GSK3A: variants seen among roughly 807,000 people sequenced by gnomAD.
GSK3A encodes glycogen synthase kinase 3 alpha, also known as glycogen synthase kinase-3 alpha.
Under a neutral mutation model 56.6 loss-of-function variants are expected in GSK3A, and 14 were observed. The observed-to-expected ratio is 0.25, with a 90% CI of 0.16 to 0.39. GSK3A has a LOEUF of 0.39. Ranked by LOEUF, GSK3A falls within the 10% of genes least tolerant of loss-of-function variation. The pLI, the probability that GSK3A is intolerant of heterozygous loss-of-function variation, is 1.00. For synonymous variants in GSK3A, 301 were observed against 285.0 expected, an observed-to-expected ratio of 1.06 and a Z score of -0.56; for missense variants, 450 against 656.0, an observed-to-expected ratio of 0.69 and a Z score of 3.43.
chr19:42,236,546 G>A, intron 4 of GSK3A, 60 bp downstream of exon 4: 1 of 998,268 alleles, frequency 1.0e-6, no homozygotes, highest in Non-Finnish European at 1.6e-6. Flanking sequence ...TAAAAGGCAG[G>A]AGGCTCCAGA....
chr19:42,240,012 C>T lies in GSK3A; in HGVS notation c.414G>A (p.Leu138=). The T allele has an allele frequency of 1.2e-6, 2 of 1,614,184 alleles. No individual in the cohort carries two copies. Among genetic ancestry groups the T allele is most frequent in the South Asian group, 1.1e-5 (1 of 91,088 alleles). ...TGGCGACTAGTTCCCTGGTCTCTGC[C>T]AGCCGTGCCTGGTACACGACCCCAA... ...GSFGVVYQAR[L]AETRELVAIK... Residue 138 remains leucine, a synonymous_variant, in exon 2 of 11, where the codon CTG becomes CTA. Coordinates refer to ENST00000222330, the MANE Select transcript of GSK3A (RefSeq NM_019884.3).
chr19:42,235,081 C>T (rs1054000615), intron 4 of GSK3A, among the ~76,000 whole-genome samples: 7 of 151,972 alleles, frequency 4.6e-5, no homozygotes, highest in African/African-American at 9.7e-5. Context: ...GAGCCGAGAT[C>T]GCACCACTGC....
intron 4 of GSK3A, 115 bp downstream of exon 4, chr19:42,236,491 G>T: frequency 1.3e-6 from 1 of 744,876 alleles, no homozygotes; most frequent in South Asian, 1.4e-5. Context: ...CAGGGGACAT[G>T]GGGCCTCCAA....
Position 42,240,088 on chromosome 19 carries a change from C to G in GSK3A, c.338G>C (p.Arg113Pro). 1.2e-6 allele frequency: 2 copies of G among 1,614,186 alleles called. No homozygotes were observed. The highest frequency in any genetic ancestry group is 2.2e-5 in the South Asian group (2 of 91,082). ...VVATLGQGPE[R>P]SQEVAYTDIK... Reference sequence around the variant, plus strand: ...GTCCGTGTAAGCCACTTCTTGGGAGCGCTCTGGGCCTTGGCCTAGAGTGGC... The same window carrying G: ...GTCCGTGTAAGCCACTTCTTGGGAGGGCTCTGGGCCTTGGCCTAGAGTGGC... Residue 113 changes from arginine (R) to proline (P), a missense_variant, in exon 2 of 11, where the codon CGC becomes CCC. Arg to Pro is a moderately radical substitution (Grantham distance 103). Coordinates refer to ENST00000222330, the MANE Select transcript of GSK3A (RefSeq NM_019884.3).
In GSK3A at chr19:42,230,580, C is replaced by G. The variant is rs1478488724; in HGVS notation, c.*214G>C. On this transcript the variant is annotated 3_prime_UTR_variant, in exon 11 of 11. Transcript: ENST00000222330. ...CATCCCCCCAACACCCTGTCCTTCT[C>G]TTCCCTCCCCACAACCAGTTAAAAT... 3.4e-6 allele frequency: 2 copies of G among 585,764 alleles called. No individual in the cohort carries two copies. Among genetic ancestry groups the G allele is most frequent in the Non-Finnish European group, 6.1e-6 (2 of 326,442 alleles). 36.3% of individuals were successfully genotyped at this position (585,764 alleles called of 1,614,324 possible).
chr19:42,237,354 TCAC>T (rs917905211), intron 2 of GSK3A, among the ~76,000 whole-genome samples: 1 of 151,488 alleles, frequency 6.6e-6, no homozygotes, highest in Non-Finnish European at 1.5e-5. Context: ...AGATGGGGTT[TCAC>T]CACGTTAGCC....
rs201441403 is a variant in GSK3A at position 42,236,848 on chromosome 19, G to A, written c.555+10C>T. ...TGGAGCAACCCACCACCACCACCTC[G>A]AGATCTCACCTTCTCGCCACTGGAG... On this transcript the variant is annotated intron_variant, in intron 3 of 10. Coordinates refer to ENST00000222330, the MANE Select transcript of GSK3A (RefSeq NM_019884.3). 43 of 1,600,682 alleles carry A rather than the reference G, an allele frequency of 2.7e-5. No individual in the cohort carries two copies. Among genetic ancestry groups the A allele is most frequent in the African/African-American group, 5.4e-5 (4 of 74,582 alleles).
intron 3 of GSK3A, 59 bp downstream of exon 3, chr19:42,236,799 A>AAGGC: frequency 2.0e-6 from 3 of 1,496,784 alleles, no homozygotes; most frequent in Admixed American, 1.7e-5. Flanking sequence ...CAGTGGGGGA[A>AAGGC]AGGCAGGCAG....
Position 42,230,711 on chromosome 19 carries a change from C to T in GSK3A, c.*83G>A. 9.6e-7 allele frequency: 1 copy of T among 1,037,142 alleles called. No homozygotes were observed. The highest frequency in any genetic ancestry group is 1.5e-6 in the Non-Finnish European group (1 of 677,932). The allele number at this position is 1,037,142 out of a possible 1,614,324, so 64.2% of individuals were successfully genotyped here. On this transcript the variant is annotated 3_prime_UTR_variant, in exon 11 of 11. Coordinates refer to ENST00000222330, the MANE Select transcript of GSK3A (RefSeq NM_019884.3). ...CTCTAGTCTAGGGGCCCAGCCAGGG[C>T]AGGAGCTTGATGGGCTATGGCCCCC...
At chr19:42,235,471 G>A (rs966848140) in intron 4 of GSK3A, among the ~76,000 whole-genome samples, 4 of 152,148 alleles carry the variant, frequency 2.6e-5, no homozygotes, top group Non-Finnish European at 5.9e-5. Context: ...CGTGAGAGCA[G>A]GATTTTGAGT....
rs2036261164 is a variant in GSK3A, at chr19:42,236,954, G to A, written c.472-13C>T. ...GCAGCTCTCGGTTCTTGAGGGCAAA[G>A]GGAGAGTCTCAGAATACAACCAACT... On this transcript the variant is annotated splice_polypyrimidine_tract_variant and intron_variant, in intron 2 of 10. Transcript: ENST00000222330. 2 of 1,582,248 alleles carry A rather than the reference G, an allele frequency of 1.3e-6. No homozygotes were observed. The highest frequency in any genetic ancestry group is 2.2e-5 in the South Asian group (2 of 90,422).
At chr19:42,236,283 G>A (rs753071294) in intron 4 of GSK3A, among the ~76,000 whole-genome samples, 74 of 152,228 alleles carry the variant, frequency 4.9e-4, no homozygotes, top group Middle Eastern at 3.4e-3. Flanking sequence ...TGCAGTCCTG[G>A]TCCCCACCAC....
chr19:42,242,385 G>A lies in GSK3A; in HGVS notation c.81C>T (p.Gly27=), dbSNP rs2036299435. 7.2e-7 allele frequency: 1 copy of A among 1,388,882 alleles called. No homozygotes were observed. Among genetic ancestry groups the A allele is most frequent in the Non-Finnish European group, 9.3e-7 (1 of 1,073,268 alleles). 86.0% of individuals were successfully genotyped at this position (1,388,882 alleles called of 1,614,324 possible). Residue 27 remains glycine, a synonymous_variant, in exon 1 of 11, where the codon GGC becomes GGT. Transcript: ENST00000222330. ...ARTSSFAEPG[G]GGGGGGGGPG... ...GGCCGCCGCCGCCTCCTCCGCCTCC[G>A]CCGCCGGGCTCCGCGAACGAGCTAG...
At chr19:42,238,807 CA>C (rs112368825) in intron 2 of GSK3A, among the ~76,000 whole-genome samples, 121 of 138,642 alleles carry the variant, frequency 8.7e-4, no homozygotes, top group Middle Eastern at 3.6e-3. Flanking sequence ...ACTAAAAATA[CA>C]AAAAAAAAAA....
In GSK3A at chr19:42,236,615, G is replaced by C. The variant is rs779335292; in HGVS notation, c.657C>G (p.Leu219=). 6.2e-7 allele frequency: 1 copy of C among 1,606,188 alleles called. No individual in the cohort carries two copies. Among genetic ancestry groups the C allele is most frequent in the Non-Finnish European group, 8.5e-7 (1 of 1,172,754 alleles). Residue 219 remains leucine (L), a synonymous_variant, in exon 4 of 11, where the codon CTC becomes CTG. Transcript: ENST00000222330. ...CCACCTGCTGGCCTACCTTGACATA[G>C]AGGATAGGGATGGTCAACTTGGCCT... ...FTKAKLTIPI[L]YVKVYMYQLF...
At chr19:42,241,587 T>C (rs1410438999) in intron 1 of GSK3A, 1 of 152,212 alleles carries the variant, frequency 6.6e-6, no homozygotes, top group Admixed American at 6.5e-5. Context: ...ATTCTCACCA[T>C]TGGCAGTACA....
In GSK3A at chr19:42,242,510, C is replaced by T. The variant is rs922472504; in HGVS notation, c.-45G>A. The T allele has an allele frequency of 1.1e-5, 12 of 1,059,996 alleles. No individual in the cohort carries two copies. The Admixed American group carries it at 4.9e-4, about 43-fold the overall frequency. The allele number at this position is 1,059,996 out of a possible 1,614,324, so 65.7% of individuals were successfully genotyped here. On this transcript the variant is annotated 5_prime_UTR_variant, in exon 1 of 11. Transcript: ENST00000222330. ...GGCTGCGGGGCTCGGGCTGCCCGGG[C>T]TGCCCCAGCCGCCGCCGCTGCCGCC...
At chr19:42,238,382 TA>T (rs55840950) in intron 2 of GSK3A, among the ~76,000 whole-genome samples, 12,103 of 120,184 alleles carry the variant, frequency 0.1, 589 homozygotes, top group South Asian at 0.18. Context: ...GATTCTGTCT[TA>T]AAAAAAAAAA....
At chr19:42,231,673 T>G (rs2036224476) in intron 10 of GSK3A, among the ~76,000 whole-genome samples, 1 of 150,630 alleles carries the variant, frequency 6.6e-6, no homozygotes, top group Admixed American at 6.6e-5. Flanking sequence ...ACTCGGAGGC[T>G]GAGGCAGGAG....
Sources: allele counts gnomAD v4.1 joint callset (sites outside exome capture counted in the v4.1 genomes callset), GRCh38; gene constraint gnomAD v4.1.1; transcripts MANE v1.5; gene names NCBI Gene and HGNC (gene_info 2026-07-23, HGNC 2026-07-21).